The following RIOK1 variants were observed in gnomAD, a reference collection of about 807,000 sequenced individuals.
RIOK1 encodes the protein serine/threonine-protein kinase RIO1.
A neutral mutation model predicts 73.5 loss-of-function variants in RIOK1; 66 were observed. That is an observed-to-expected ratio of 0.90 (90% CI 0.74 to 1.10). RIOK1 has a LOEUF of 1.10. Among genes scored for constraint, RIOK1 ranks in the 50% least tolerant of loss-of-function variants. RIOK1 has a pLI of 0.00. For missense variants in RIOK1, 658 were observed against 699.8 expected, an observed-to-expected ratio of 0.94 and a Z score of 0.67; for synonymous variants, 224 against 226.8, an observed-to-expected ratio of 0.99 and a Z score of 0.11.
intron 2 of RIOK1, among the ~76,000 whole-genome samples, chr6:7,393,520 A>T (rs1001317964): frequency 6.6e-6 from 1 of 152,230 alleles, no homozygotes; most frequent in African/African-American, 2.4e-5. Context: ...AAATTTAAAA[A>T]GAGTTATAAA....
In RIOK1 at chr6:7,404,574, T is replaced by C; in HGVS notation, c.992+19T>C. On this transcript the variant is annotated intron_variant, in intron 10 of 16. Transcript: ENST00000379834. ...ACATGCTGTGAGTGTATTTTGTCTC[T>C]TAAGAACTGCCTGTCAGTTGTTTCG... 6.2e-7 allele frequency: 1 copy of C among 1,609,254 alleles called. No individual in the cohort carries two copies. Among genetic ancestry groups the C allele is most frequent in the Non-Finnish European group, 8.5e-7 (1 of 1,176,348 alleles).
In RIOK1 at chr6:7,399,520, G is replaced by T. The variant is rs550213893; in HGVS notation, c.480+780G>T. Among the ~76,000 whole-genome samples the T allele has an allele frequency of 1.6e-4, 25 of 152,280 alleles. No homozygotes were observed. In the East Asian group the frequency reaches 4.8e-3, roughly 29 times the overall value. ...CTAAATAACTTTAGGGTTATTTTTG[G>T]CAGGAAATTCTTTTTCTCTTTCAAA... On this transcript the variant is annotated intron_variant, in intron 5 of 16. Coordinates refer to ENST00000379834, the MANE Select transcript of RIOK1 (RefSeq NM_031480.3).
At chr6:7,414,042 C>A (rs1018466441) in intron 15 of RIOK1, among the ~76,000 whole-genome samples, 196 bp from the exon 16 acceptor site, 4 of 152,116 alleles carry the variant, frequency 2.6e-5, no homozygotes, top group African/African-American at 9.7e-5. Flanking sequence ...TGTTCTGGAG[C>A]CTTACTTGGA....
At position 7,417,439 on chromosome 6, in the gene RIOK1, TA is replaced by T; in HGVS notation, c.1706del (p.Ter569=). On this transcript the variant is annotated frameshift_variant and stop_lost, in exon 17 of 17. Coordinates refer to ENST00000379834, the MANE Select transcript of RIOK1 (RefSeq NM_031480.3). LOFTEE classifies it high-confidence loss of function. ...GACAGCCAAGACGAAAAAAGGCAAATAGAATGAGAACCATATTATGTACAGT... is the reference window on the plus strand; with the variant it reads ...GACAGCCAAGACGAAAAAAGGCAAATGAATGAGAACCATATTATGTACAGT... ...EKTAKTKKGK[*>X] 1 of 1,518,794 alleles carries T rather than the reference TA, an allele frequency of 6.6e-7. No homozygotes were observed. The allele number at this position is 1,518,794 out of a possible 1,614,324, so 94.1% of individuals were successfully genotyped here. A position where few individuals can be genotyped will look rare whatever the true frequency, so the allele number is the denominator to read the frequency against.
At chr6:7,399,929 C>T (rs1347138590) in intron 5 of RIOK1, among the ~76,000 whole-genome samples, 1 of 152,180 alleles carries the variant, frequency 6.6e-6, no homozygotes, top group Non-Finnish European at 1.5e-5. Context: ...AAGGTGGACC[C>T]TAAAGTATAG....
intron 13 of RIOK1, among the ~76,000 whole-genome samples, chr6:7,410,792 T>C (rs1761867324): frequency 6.6e-6 from 1 of 152,202 alleles, no homozygotes; most frequent in African/African-American, 2.4e-5. Context: ...CTAGAAATGT[T>C]ATAGATTTTA....
chr6:7,404,689 G>C (rs1761700156), intron 10 of RIOK1, 134 bp downstream of exon 10: 4 of 1,159,932 alleles, frequency 3.4e-6, no homozygotes, highest in Middle Eastern at 4.5e-4. Context: ...GTATAAGATA[G>C]GATTCCTTTT....
intron 1 of RIOK1, among the ~76,000 whole-genome samples, chr6:7,391,200 A>G (rs908432333): frequency 2.0e-5 from 3 of 152,228 alleles, no homozygotes; most frequent in African/African-American, 7.2e-5. Flanking sequence ...CAATAAATAT[A>G]TGTATGTTGA....
At chr6:7,411,821 A>G (rs1761890807) in intron 14 of RIOK1, among the ~76,000 whole-genome samples, 1 of 152,234 alleles carries the variant, frequency 6.6e-6, no homozygotes, top group Admixed American at 6.5e-5. Context: ...TAGGCTTTGC[A>G]AGCCAAGAAA....
At chr6:7,412,828 C>T (rs1001786133) in intron 14 of RIOK1, 61 bp from the exon 15 acceptor site, 12 of 794,440 alleles carry the variant, frequency 1.5e-5, no homozygotes, top group Admixed American at 1.5e-4. Context: ...GTGCAATATG[C>T]ATATTTCATT....
At chr6:7,390,928 C>A (rs1432969220) in intron 1 of RIOK1, among the ~76,000 whole-genome samples, 1 of 151,974 alleles carries the variant, frequency 6.6e-6, no homozygotes, top group African/African-American at 2.4e-5. Flanking sequence ...GAGACCAGTT[C>A]AAAAATAATA....
intron 4 of RIOK1, 22 bp downstream of exon 4, chr6:7,396,794 T>C (rs748558515): frequency 3.1e-5 from 41 of 1,302,582 alleles, no homozygotes; most frequent in Non-Finnish European, 4.2e-5. Context: ...TTTAATAATA[T>C]GCATGGGTGA....
intron 5 of RIOK1, among the ~76,000 whole-genome samples, chr6:7,399,383 C>G (rs1462276871): frequency 2.6e-5 from 4 of 152,098 alleles, no homozygotes; most frequent in African/African-American, 9.7e-5. Context: ...GAAGCCGGGT[C>G]TGTGGTCTGT....
chr6:7,404,964 G>A lies in RIOK1; in HGVS notation c.1039G>A (p.Glu347Lys). ...TATCATTGACGTGTCTCAGTCCGTG[G>A]AGCACGACCACCCACATGCCTTGGA... Reference protein sequence around the residue: ...VYIIDVSQSVEHDHPHALEFL... With the variant: ...VYIIDVSQSVKHDHPHALEFL... Residue 347 changes from glutamate (E) to lysine (K), a missense_variant, in exon 11 of 17, where the codon GAG (glutamate) becomes AAG (lysine). Coordinates refer to ENST00000379834, the MANE Select transcript of RIOK1 (RefSeq NM_031480.3). 1 of 1,614,154 alleles carries A rather than the reference G, an allele frequency of 6.2e-7. No homozygotes were observed. The highest frequency in any genetic ancestry group is 8.5e-7 in the Non-Finnish European group (1 of 1,180,020).
intron 12 of RIOK1, among the ~76,000 whole-genome samples, chr6:7,409,212 A>C (rs928306174): frequency 1.2e-5 from 1 of 83,612 alleles, no homozygotes; most frequent in Non-Finnish European, 2.4e-5. Flanking sequence ...CTCCCGACTA[A>C]TTGTGTGTGT....
chr6:7,405,185 A>G (rs1199647362), intron 11 of RIOK1, 64 bp from the exon 12 acceptor site: 4 of 1,134,814 alleles, frequency 3.5e-6, no homozygotes, highest in Admixed American at 3.7e-5. Context: ...TTTCTCTATA[A>G]GGTAGTTGGA....
chr6:7,392,979 A>G, intron 1 of RIOK1, 120 bp from the exon 2 acceptor site: 1 of 1,292,270 alleles, frequency 7.7e-7, no homozygotes, highest in Non-Finnish European at 1.0e-6. Flanking sequence ...GGTGTATTTT[A>G]TATAAATATA....
chr6:7,396,769 A>G lies in RIOK1; in HGVS notation c.434A>G (p.Asp145Gly). ...VTEKSRQKEA[D>G]MYRIKDKADR... ...GAAAAGTCTAGACAAAAGGAAGCAG[A>G]TATGTAAGTAATATTTTAATAATAT... The change falls in exon 4 of 17, where the codon GAT (aspartate) becomes GGT (glycine). Residue 145 changes from aspartate to glycine, a missense_variant. Asp to Gly is a moderately conservative substitution (Grantham distance 94). Coordinates refer to ENST00000379834, the MANE Select transcript of RIOK1 (RefSeq NM_031480.3). 6.5e-7 allele frequency: 1 copy of G among 1,541,544 alleles called. No homozygotes were observed. The highest frequency in any genetic ancestry group is 9.0e-7 in the Non-Finnish European group (1 of 1,115,138).
At position 7,412,358 on chromosome 6, in the gene RIOK1, C is replaced by T. The variant is rs544330961; in HGVS notation, c.1390-531C>T. Among the ~76,000 whole-genome samples, 10 of 135,882 alleles carry T rather than the reference C, an allele frequency of 7.4e-5. No homozygotes were observed. The South Asian group carries it at 2.4e-3, about 32-fold the overall frequency. The allele number at this position is 135,882 out of a possible 152,430, so 89.1% of individuals were successfully genotyped here. A position where few individuals can be genotyped will look rare whatever the true frequency, so the allele number is the denominator to read the frequency against. On this transcript the variant is annotated intron_variant, in intron 14 of 16. Coordinates refer to ENST00000379834, the MANE Select transcript of RIOK1 (RefSeq NM_031480.3). ...CCTAGGCTACAGAGCGGAACTCTGT[C>T]TCAAAAAAAAAAAAGGCCCAGTACG...
Sources: allele counts gnomAD v4.1 joint callset (sites outside exome capture counted in the v4.1 genomes callset), GRCh38; gene constraint gnomAD v4.1.1; transcripts MANE v1.5; gene names NCBI Gene and HGNC (gene_info 2026-07-23, HGNC 2026-07-21).